Variants in PRTG observed in about 807,000 individuals in gnomAD.
The protein encoded by PRTG is protogenin.
In PRTG, 67 loss-of-function variants were observed where a neutral mutation model predicts 122.5. The observed-to-expected ratio is 0.55, with a 90% CI of 0.45 to 0.67. PRTG has a LOEUF of 0.67. Among genes scored for constraint, PRTG ranks in the 30% least tolerant of loss-of-function variants. The probability of loss-of-function intolerance (pLI) is 0.00; values close to 1 mark genes in which losing one functional copy is unlikely to be tolerated. For missense variants in PRTG, 1,435 were observed against 1,415.4 expected, an observed-to-expected ratio of 1.01 and a Z score of -0.22; for synonymous variants, 554 against 501.1, an observed-to-expected ratio of 1.11 and a Z score of -1.41.
intron 2 of PRTG, among the ~76,000 whole-genome samples, chr15:55,697,207 T>C (rs1433944776): frequency 6.6e-6 from 1 of 152,188 alleles, no homozygotes; most frequent in Non-Finnish European, 1.5e-5. Context: ...CTTATTAATC[T>C]CATTAGTAAC....
At chr15:55,627,487 G>T (rs2059201810) in intron 16 of PRTG, among the ~76,000 whole-genome samples, 1 of 138,078 alleles carries the variant, frequency 7.2e-6, no homozygotes. Flanking sequence ...CCAACGCCCA[G>T]CTAAGTTTTT....
intron 11 of PRTG, among the ~76,000 whole-genome samples, chr15:55,649,613 C>A (rs140029261): frequency 6.6e-6 from 1 of 151,936 alleles, no homozygotes; most frequent in Non-Finnish European, 1.5e-5. Flanking sequence ...GGTGAAACTC[C>A]ATCTCTACTA....
intron 2 of PRTG, among the ~76,000 whole-genome samples, chr15:55,699,296 C>G (rs1218759381): frequency 6.6e-6 from 1 of 152,094 alleles, no homozygotes; most frequent in Non-Finnish European, 1.5e-5. Context: ...TTTTCCCCCA[C>G]CTTTCCACCT....
At chr15:55,680,741 A>C (rs1356423793) in intron 4 of PRTG, 113 bp from the exon 5 acceptor site, 9 of 633,918 alleles carry the variant, frequency 1.4e-5, no homozygotes, top group Non-Finnish European at 1.7e-5. Context: ...AAACAACTTT[A>C]TTGAGATATA....
intron 11 of PRTG, among the ~76,000 whole-genome samples, chr15:55,644,652 GA>G (rs1210012021): frequency 6.6e-6 from 1 of 151,998 alleles, no homozygotes; most frequent in East Asian, 1.9e-4. Context: ...CCCATGAAAG[GA>G]AGAGCAGTTC....
rs1450361285 is a variant in PRTG at position 55,616,494 on chromosome 15, G to A, written c.*3518C>T. 2 of 152,112 alleles carry A rather than the reference G, an allele frequency of 1.3e-5. No homozygotes were observed. The highest frequency in any genetic ancestry group is 2.9e-5 in the Non-Finnish European group (2 of 67,980). 9.4% of individuals were successfully genotyped at this position (152,112 alleles called of 1,614,324 possible). ...AACATAAAAGCTTGCTGATATTTCT[G>A]TTGACATTTCACACTCAAGGTGCTT... On this transcript the variant is annotated 3_prime_UTR_variant, in exon 20 of 20. Coordinates refer to ENST00000389286, the MANE Select transcript of PRTG (RefSeq NM_173814.6).
intron 2 of PRTG, among the ~76,000 whole-genome samples, chr15:55,731,466 G>A (rs1384675210): frequency 1.3e-5 from 2 of 149,378 alleles, no homozygotes; most frequent in Non-Finnish European, 3.0e-5. Context: ...TGCCTCTCAG[G>A]TTCAAGGGAT....
At chr15:55,686,707 T>C (rs2059572502) in intron 2 of PRTG, among the ~76,000 whole-genome samples, 1 of 152,314 alleles carries the variant, frequency 6.6e-6, no homozygotes, top group Non-Finnish European at 1.5e-5. Context: ...CCTGTAAAAC[T>C]CTAGCCTTAT....
At chr15:55,742,604 G>A (rs1467576664) in intron 1 of PRTG, 5 of 500,088 alleles carry the variant, frequency 1.0e-5, no homozygotes, top group African/African-American at 2.1e-5. Context: ...AGGGGCGTGC[G>A]CCCGGAGAAG....
chr15:55,661,915 G>A (rs2059412188), intron 11 of PRTG, among the ~76,000 whole-genome samples: 1 of 151,076 alleles, frequency 6.6e-6, no homozygotes, highest in South Asian at 2.1e-4. Context: ...AAAAAGAGGA[G>A]TAGCTGTGTA....
At chr15:55,672,404 G>C (rs760371585) in intron 11 of PRTG, 41 bp downstream of exon 11, 1 of 1,510,370 alleles carries the variant, frequency 6.6e-7, no homozygotes, top group Non-Finnish European at 9.0e-7. Flanking sequence ...GTTTGTCAGA[G>C]AGGAAGGAAA....
chr15:55,711,715 G>A (rs1365287981), intron 2 of PRTG, among the ~76,000 whole-genome samples: 2 of 149,854 alleles, frequency 1.3e-5, no homozygotes, highest in African/African-American at 2.5e-5. Flanking sequence ...GTATACACAC[G>A]AGTAAGTGCA....
At position 55,678,009 on chromosome 15, in the gene PRTG, TC is replaced by T; in HGVS notation, c.1168del (p.Asp390MetfsTer21). On this transcript the variant is annotated frameshift_variant, in exon 8 of 20. Coordinates refer to ENST00000389286, the MANE Select transcript of PRTG (RefSeq NM_173814.6). LOFTEE classifies it high-confidence loss of function. ...CTCAGCCATGCACTGATAAATAGCA[TC>T]ATCTTCAGGAATAATCTGGTTAATT... The part of the protein sequence containing the change: ...LVINQIIPED[D>X]AIYQCMAENS... 6.3e-7 allele frequency: 1 copy of T among 1,599,962 alleles called. No individual in the cohort carries two copies. Among genetic ancestry groups the T allele is most frequent in the Non-Finnish European group, 8.6e-7 (1 of 1,168,202 alleles).
rs960483513 is a variant in PRTG, at chr15:55,672,631, G to A, written c.1855C>T (p.Pro619Ser). The change falls in exon 11 of 20, where the codon CCT becomes TCT. Residue 619 changes from proline to serine, a missense_variant and splice_region_variant. Transcript: ENST00000389286. ...TCCAAATGCAACTCTGGAGACTTAG[G>A]GGCTAGCAAAATTCATCAGAAAATG... ...RTPKATSVKA[P>S]KSPELHLEPL... 11 of 1,609,840 alleles carry A rather than the reference G, an allele frequency of 6.8e-6. No individual in the cohort carries two copies. The highest frequency in any genetic ancestry group is 9.3e-6 in the Non-Finnish European group (11 of 1,178,212).
intron 1 of PRTG, among the ~76,000 whole-genome samples, chr15:55,741,372 T>C (rs2031601536): frequency 6.6e-6 from 1 of 152,214 alleles, no homozygotes; most frequent in South Asian, 2.1e-4. Context: ...AACTTTTATT[T>C]CACTTTTCTA....
At chr15:55,691,515 C>T (rs573005) in intron 2 of PRTG, among the ~76,000 whole-genome samples, 147,224 of 151,756 alleles carry the variant, frequency 0.97, 71,580 homozygotes, top group Non-Finnish European at 1. Context: ...ACCCTGTCTC[C>T]ACTAAAAACA....
intron 7 of PRTG, 69 bp downstream of exon 7, chr15:55,679,217 C>T: frequency 3.0e-6 from 3 of 988,886 alleles, no homozygotes; most frequent in East Asian, 2.5e-5. Context: ...ATTATTATAA[C>T]CATTTCACAT....
intron 2 of PRTG, among the ~76,000 whole-genome samples, chr15:55,712,909 G>A (rs8042029): frequency 0.23 from 35,119 of 152,068 alleles, 4,613 homozygotes; most frequent in East Asian, 0.35. Context: ...ATAGGAAAAT[G>A]TATTTTAGAC....
intron 11 of PRTG, among the ~76,000 whole-genome samples, chr15:55,662,454 G>T (rs1391380888): frequency 6.6e-6 from 1 of 152,172 alleles, no homozygotes. Context: ...TTGCTAGGAG[G>T]TTCCATTTGG....
Sources: allele counts gnomAD v4.1 joint callset (sites outside exome capture counted in the v4.1 genomes callset), GRCh38; gene constraint gnomAD v4.1.1; transcripts MANE v1.5; gene names NCBI Gene and HGNC (gene_info 2026-07-23, HGNC 2026-07-21).